Variants in ORC1 observed in about 807,000 individuals in gnomAD.
ORC1 encodes the protein origin recognition complex, subunit 1 homolog.
ORC1 carries 61 observed loss-of-function variants against 98.9 expected under a neutral mutation model. That is an observed-to-expected ratio of 0.62 (90% confidence interval 0.50 to 0.76). The LOEUF is 0.76. Among genes scored for constraint, ORC1 ranks in the 30% least tolerant of loss-of-function variants. The pLI is 0.00. For synonymous variants in ORC1, 385 were observed against 406.9 expected, an observed-to-expected ratio of 0.95 and a Z score of 0.65; for missense variants, 979 against 1,072.2, an observed-to-expected ratio of 0.91 and a Z score of 1.21.
upstream of ORC1, among the ~76,000 whole-genome samples, chr1:52,407,418 G>A (rs1422099434): frequency 6.6e-6 from 1 of 152,040 alleles, no homozygotes; most frequent in African/African-American, 2.4e-5. Context: ...TGCATTTCTT[G>A]TTTATATACC....
At chr1:52,401,315 A>T in intron 3 of ORC1, 47 bp downstream of exon 3, 1 of 1,611,806 alleles carries the variant, frequency 6.2e-7, no homozygotes, top group Non-Finnish European at 8.5e-7. Flanking sequence ...CCCACCTCCC[A>T]ATCATTCATG....
rs185496724 is a variant in ORC1 at position 52,403,716 on chromosome 1, G to T, written c.-6+530C>A. Among the ~76,000 whole-genome samples, 428 of 152,270 alleles carry T rather than the reference G, an allele frequency of 2.8e-3. 10 individuals are homozygous for T. The highest frequency in any genetic ancestry group is 0.021 in the Admixed American group (328 of 15,296). ...GGCCACCAGACTTCTCTTCTGAAAAGAAGGTGAATGACAGACAGCCCAGCA... is the reference window on the plus strand; with the variant it reads ...GGCCACCAGACTTCTCTTCTGAAAATAAGGTGAATGACAGACAGCCCAGCA... On this transcript the variant is annotated intron_variant, in intron 1 of 16. Transcript: ENST00000371568.
Position 52,393,305 on chromosome 1 carries a change from C to A in ORC1, c.1082+138G>T, listed in dbSNP as rs1333272074. 4 of 1,144,070 alleles carry A rather than the reference C, an allele frequency of 3.5e-6. No individual in the cohort carries two copies. The South Asian group carries it at 3.9e-5, about 11-fold the overall frequency. 70.9% of individuals were successfully genotyped at this position (1,144,070 alleles called of 1,614,324 possible). The stretch of plus-strand genomic sequence containing the variant: ...TAGGTGTGGGAAGAGGCCTAGAAAT[C>A]TGTATTTTAAGAAAGCTCCCCAATA... On this transcript the variant is annotated intron_variant, in intron 6 of 16. Transcript: ENST00000371568.
intron 11 of ORC1, among the ~76,000 whole-genome samples, chr1:52,384,251 C>T (rs1647111907): frequency 6.6e-6 from 1 of 152,226 alleles, no homozygotes; most frequent in African/African-American, 2.4e-5. Context: ...AAGAGCAAGG[C>T]TTAACCTCTG....
intron 5 of ORC1, among the ~76,000 whole-genome samples, chr1:52,394,565 G>T (rs766486205): frequency 6.6e-6 from 1 of 151,918 alleles, no homozygotes; most frequent in Non-Finnish European, 1.5e-5. Flanking sequence ...TTGAAAGAAA[G>T]GTAAAATTTC....
chr1:52,382,572 CTTTT>C (rs3049207), intron 13 of ORC1, among the ~76,000 whole-genome samples: 116 of 107,416 alleles, frequency 1.1e-3, no homozygotes, highest in African/African-American at 4.5e-3. Flanking sequence ...AGTGCTAAAA[CTTTT>C]TTTTTTTTTT....
At chr1:52,375,964 G>A (rs1353605843) in intron 14 of ORC1, among the ~76,000 whole-genome samples, 3 of 152,240 alleles carry the variant, frequency 2.0e-5, no homozygotes, top group Non-Finnish European at 2.9e-5. Context: ...GCCAGCCAAA[G>A]ACAAGAGGGT....
At position 52,396,096 on chromosome 1, in the gene ORC1, G is replaced by C; in HGVS notation, c.671C>G (p.Thr224Ser). 2 of 1,614,178 alleles carry C rather than the reference G, an allele frequency of 1.2e-6. No homozygotes were observed. Among genetic ancestry groups the C allele is most frequent in the Non-Finnish European group, 1.7e-6 (2 of 1,180,038 alleles). ...SRHSASKSRQ[T>S]PTHPLTPRAR... ...TCTTGGGGTAAGAGGATGGGTAGGA[G>C]TTTGGCGAGATTTGGAGGCGGAGTG... The change falls in exon 5 of 17, where the codon ACT becomes AGT. Residue 224 changes from threonine to serine, a missense_variant. Coordinates refer to ENST00000371568, the MANE Select transcript of ORC1 (RefSeq NM_004153.4).
At position 52,385,903 on chromosome 1, in the gene ORC1, C is replaced by T. The variant is rs886046397; in HGVS notation, c.1430G>A (p.Arg477Gln). The change falls in exon 9 of 17, where the codon CGA (arginine) becomes CAA (glutamine). Residue 477 changes from arginine (R) to glutamine (Q), a missense_variant. Coordinates refer to ENST00000371568, the MANE Select transcript of ORC1 (RefSeq NM_004153.4). ...PRCAAPQIRSRSLAAQEPASV... is the reference protein window; with the variant it reads ...PRCAAPQIRSQSLAAQEPASV... ...GGCTGGCTCCTGGGCAGCCAGGCTT[C>T]GACTACGGATCTGAGGAGCGGCACA... 1.9e-5 allele frequency: 31 copies of T among 1,613,716 alleles called. No homozygotes were observed. The highest frequency in any genetic ancestry group is 3.3e-5 in the South Asian group (3 of 91,072).
chr1:52,377,566 T>C (rs1316958896), intron 14 of ORC1, among the ~76,000 whole-genome samples: 1 of 152,086 alleles, frequency 6.6e-6, no homozygotes, highest in Non-Finnish European at 1.5e-5. Context: ...TGAGCCACCC[T>C]ACCCAGACAC....
Position 52,401,362 on chromosome 1 carries a change from C to G in ORC1, c.223G>C (p.Asp75His). The G allele has an allele frequency of 6.2e-7, 1 of 1,614,112 alleles. No homozygotes were observed. The highest frequency in any genetic ancestry group is 8.5e-7 in the Non-Finnish European group (1 of 1,180,020). The change falls in exon 3 of 17, where the codon GAC (aspartate) becomes CAC (histidine). Residue 75 changes from aspartate to histidine, a missense_variant and splice_region_variant. Asp to His is a moderately conservative substitution (Grantham distance 81). Coordinates refer to ENST00000371568, the MANE Select transcript of ORC1 (RefSeq NM_004153.4). ...VAKLLELFED[D>H]SDPPPKKRAR... Reference sequence around the variant, plus strand: ...TTTATTATTCCAGTCCCAAACTCACCATCTTCGAACAACTCAAGCAATTTA... The same window carrying G: ...TTTATTATTCCAGTCCCAAACTCACGATCTTCGAACAACTCAAGCAATTTA...
intron 14 of ORC1, among the ~76,000 whole-genome samples, chr1:52,380,686 T>A (rs527491615): frequency 2.0e-4 from 30 of 148,352 alleles, no homozygotes; most frequent in Non-Finnish European, 4.2e-4. Context: ...CCGAGTGAGA[T>A]GCTGTTTCAA....
At chr1:52,404,851 C>T (rs1647925885), upstream of ORC1, 3 of 1,614,120 alleles carry the variant, frequency 1.9e-6, no homozygotes, top group South Asian at 1.1e-5. Flanking sequence ...AGTCCAAGTA[C>T]TGGAAAGAGG....
At chr1:52,403,430 A>G (rs1168281609) in intron 1 of ORC1, among the ~76,000 whole-genome samples, 1 of 152,208 alleles carries the variant, frequency 6.6e-6, no homozygotes, top group Non-Finnish European at 1.5e-5. Context: ...AAACCTCCTA[A>G]AGTCCACATA....
chr1:52,401,453 C>A lies in ORC1; in HGVS notation c.132G>T (p.Glu44Asp). 6.2e-7 allele frequency: 1 copy of A among 1,614,090 alleles called. No homozygotes were observed. The highest frequency in any genetic ancestry group is 8.5e-7 in the Non-Finnish European group (1 of 1,180,008). Residue 44 changes from glutamate to aspartate, a missense_variant, in exon 3 of 17, where the codon GAG (glutamate) becomes GAT (aspartate). Glu to Asp is a conservative substitution (Grantham distance 45). Transcript: ENST00000371568. ...CAAACTGTCCAATCTGGATGTGAATCTCGGTGGAACAACCTTCTGTTTTCA... is the reference window on the plus strand; with the variant it reads ...CAAACTGTCCAATCTGGATGTGAATATCGGTGGAACAACCTTCTGTTTTCA... ...MCVKTEGCST[E>D]IHIQIGQFVL...
chr1:52,384,294 A>C (rs1647112337), intron 11 of ORC1, among the ~76,000 whole-genome samples: 1 of 152,134 alleles, frequency 6.6e-6, no homozygotes, highest in Non-Finnish European at 1.5e-5. Context: ...ATGTTGCCAC[A>C]CTGCTACCTG....
intron 13 of ORC1, among the ~76,000 whole-genome samples, chr1:52,383,157 C>T (rs1206945771): frequency 6.6e-6 from 1 of 151,966 alleles, no homozygotes; most frequent in Admixed American, 6.6e-5. Context: ...CAAACTCTGC[C>T]TCCGGAGTTC....
intron 3 of ORC1, among the ~76,000 whole-genome samples, chr1:52,398,593 T>A (rs1647540098): frequency 6.7e-6 from 1 of 148,954 alleles, no homozygotes; most frequent in African/African-American, 2.5e-5. Context: ...TTTTATTTTA[T>A]TTTTTTGAGA....
intron 9 of ORC1, 38 bp from the exon 10 acceptor site, chr1:52,385,300 A>G (rs1647128433): frequency 1.5e-6 from 2 of 1,298,412 alleles, no homozygotes; most frequent in South Asian, 2.4e-5. Context: ...GGAAGACTTT[A>G]GGAACATTCC....
Sources: allele counts gnomAD v4.1 joint callset (sites outside exome capture counted in the v4.1 genomes callset), GRCh38; gene constraint gnomAD v4.1.1; transcripts MANE v1.5; gene names NCBI Gene and HGNC (gene_info 2026-07-23, HGNC 2026-07-21).